Variants in SLC39A10 observed in about 807,000 individuals in gnomAD.
SLC39A10 encodes solute carrier family 39 member 10.
Under a neutral mutation model 65.1 loss-of-function variants are expected in SLC39A10, and 13 were observed. That is an observed-to-expected ratio of 0.20 (90% CI 0.13 to 0.32). The LOEUF is 0.32. Among genes scored for constraint, SLC39A10 ranks in the 10% least tolerant of loss-of-function variants. SLC39A10 has a pLI of 1.00. For missense variants in SLC39A10, 831 were observed against 1,018.4 expected, an observed-to-expected ratio of 0.82 and a Z score of 2.50; for synonymous variants, 321 against 342.2, an observed-to-expected ratio of 0.94 and a Z score of 0.68.
chr2:195,694,253 A>G (rs1690851185), intron 3 of SLC39A10, among the ~76,000 whole-genome samples: 1 of 152,088 alleles, frequency 6.6e-6, no homozygotes, highest in Admixed American at 6.6e-5. Flanking sequence ...CCATGTGCTG[A>G]TGAATAGAAT....
Position 195,730,376 on chromosome 2 carries a change from C to CTGGA in SLC39A10, c.2337+2028_2337+2031dup, listed in dbSNP as rs569118189. On this transcript the variant is annotated intron_variant, in intron 9 of 9. Transcript: ENST00000359634. ...AGACAGTCTTGCTCTGTTGCCCAGG[C>CTGGA]TGGAGTATAGTGGCATGATCGCAGC... is the stretch of plus-strand genomic sequence containing the variant. Among the ~76,000 whole-genome samples the CTGGA allele has an allele frequency of 1.2e-3, 185 of 152,274 alleles. 7 individuals are homozygous for CTGGA. In the South Asian group the frequency reaches 0.038, roughly 31 times the overall value.
upstream of SLC39A10, among the ~76,000 whole-genome samples, chr2:195,654,575 A>G (rs1033450922): frequency 2.6e-5 from 4 of 152,212 alleles, no homozygotes; most frequent in Non-Finnish European, 5.9e-5. Context: ...CCATTTACAC[A>G]TAATTCAGTA....
At chr2:195,686,767 T>C (rs1690542585) in intron 3 of SLC39A10, among the ~76,000 whole-genome samples, 1 of 152,206 alleles carries the variant, frequency 6.6e-6, no homozygotes, top group South Asian at 2.1e-4. Flanking sequence ...CTATGAACTA[T>C]AGTATTCTCC....
intron 3 of SLC39A10, among the ~76,000 whole-genome samples, chr2:195,692,474 T>G (rs1324436954): frequency 1.3e-5 from 2 of 152,232 alleles, no homozygotes; most frequent in East Asian, 3.8e-4. Context: ...TACCTATCCA[T>G]GAGCATGGGA....
At chr2:195,626,132 T>C (rs1353814221) in intron 2 of SLC39A10, among the ~76,000 whole-genome samples, 3 of 152,202 alleles carry the variant, frequency 2.0e-5, no homozygotes, top group African/African-American at 7.2e-5. Context: ...AGTATATATG[T>C]ACATTTTCCG....
At chr2:195,719,791 GT>G (rs796609144) in intron 8 of SLC39A10, among the ~76,000 whole-genome samples, 149 of 131,534 alleles carry the variant, frequency 1.1e-3, no homozygotes, top group African/African-American at 2.4e-3. Context: ...GCTAATTTTT[GT>G]TTTTTTTTTT....
chr2:195,703,642 A>G (rs1691283118), intron 3 of SLC39A10, among the ~76,000 whole-genome samples: 1 of 152,162 alleles, frequency 6.6e-6, no homozygotes, highest in African/African-American at 2.4e-5. Context: ...TTTTCATCAA[A>G]ACACTATTCC....
chr2:195,643,605 A>G (rs931559668), intron 2 of SLC39A10, among the ~76,000 whole-genome samples: 6 of 152,258 alleles, frequency 3.9e-5, no homozygotes, highest in African/African-American at 1.2e-4. Context: ...CTGATTACTG[A>G]TGGCTTGAAA....
intron 6 of SLC39A10, among the ~76,000 whole-genome samples, chr2:195,715,724 C>T (rs528703899): frequency 2.0e-5 from 3 of 152,258 alleles, no homozygotes; most frequent in African/African-American, 4.8e-5. Flanking sequence ...TCTCAATAAA[C>T]TTTCCACAGC....
At chr2:195,701,435 C>CTTTTTTTTTTTTTTTTTTTTTTTTATT (rs1691184187) in intron 3 of SLC39A10, among the ~76,000 whole-genome samples, 1 of 5,500 alleles carries the variant, frequency 1.8e-4, no homozygotes, top group Admixed American at 2.9e-3. Flanking sequence ...TTCTGTGATT[C>CTTTTTTTTTTTTTTTTTTTTTTTTATT]TTTTTTTTTT....
At chr2:195,727,670 C>T (rs368650205) in intron 8 of SLC39A10, among the ~76,000 whole-genome samples, 16 of 152,078 alleles carry the variant, frequency 1.1e-4, no homozygotes, top group South Asian at 2.1e-4. Context: ...ACAAGAAGAG[C>T]GGTGACCATG....
Position 195,681,054 on chromosome 2 carries a change from A to G in SLC39A10, c.1008+4A>G. On this transcript the variant is annotated splice_donor_region_variant and intron_variant, in intron 2 of 9. Coordinates refer to ENST00000359634, the MANE Select transcript of SLC39A10 (RefSeq NM_020342.3). ...TGAAGATGACCATCATCATGAAGTA[A>G]GTATAAAAAGATGTCCGATAGCTGC... 2 of 1,595,376 alleles carry G rather than the reference A, an allele frequency of 1.3e-6. No homozygotes were observed.
chr2:195,629,257 G>A (rs1688534198), intron 2 of SLC39A10, among the ~76,000 whole-genome samples: 1 of 152,030 alleles, frequency 6.6e-6, no homozygotes, highest in African/African-American at 2.4e-5. Context: ...AGCCAGATGT[G>A]GTGGCGGGTG....
intron 8 of SLC39A10, among the ~76,000 whole-genome samples, chr2:195,725,636 T>C (rs995620246): frequency 5.3e-5 from 8 of 152,188 alleles, no homozygotes; most frequent in East Asian, 1.9e-4. Flanking sequence ...TGAAAACTTA[T>C]GTTGACATAA....
chr2:195,626,066 G>C (rs1311370667), intron 2 of SLC39A10, among the ~76,000 whole-genome samples: 1 of 152,176 alleles, frequency 6.6e-6, no homozygotes, highest in Non-Finnish European at 1.5e-5. Flanking sequence ...TTATAGAAGT[G>C]AGCCACTGTG....
In SLC39A10 at chr2:195,680,729, G is replaced by A. The variant is rs766179472; in HGVS notation, c.687G>A (p.Pro229=). The change falls in exon 2 of 10, where the codon CCG becomes CCA. Residue 229 remains proline, a synonymous_variant. Coordinates refer to ENST00000359634, the MANE Select transcript of SLC39A10 (RefSeq NM_020342.3). ...AGGAACAATCTGATGTTAAACTACC[G>A]AAAGGAAAGAGGAAGAAAAAAGGGA... is the stretch of plus-strand genomic sequence containing the variant. ...KTQEQSDVKL[P]KGKRKKKGRK... 15 of 1,613,882 alleles carry A rather than the reference G, an allele frequency of 9.3e-6. No homozygotes were observed. Among genetic ancestry groups the A allele is most frequent in the East Asian group, 2.2e-5 (1 of 44,896 alleles).
chr2:195,622,073 A>T (rs1390465895), intron 2 of SLC39A10, among the ~76,000 whole-genome samples: 2 of 152,146 alleles, frequency 1.3e-5, no homozygotes, highest in African/African-American at 4.8e-5. Flanking sequence ...TTAAGAAAAC[A>T]AGTGATTTAG....
chr2:195,715,293 C>T (rs1361429594), intron 6 of SLC39A10, among the ~76,000 whole-genome samples: 1 of 151,636 alleles, frequency 6.6e-6, no homozygotes, highest in African/African-American at 2.4e-5. Context: ...TTTGGGAGGC[C>T]AAGGTGGGCA....
upstream of SLC39A10, among the ~76,000 whole-genome samples, chr2:195,655,473 A>G (rs1689126997): frequency 1.3e-5 from 2 of 152,392 alleles, no homozygotes; most frequent in South Asian, 2.1e-4. Flanking sequence ...TCAATAAAAT[A>G]AGTATGAGCC....
Sources: gnomAD v4.1 joint callset for allele counts (sites outside exome capture counted in the v4.1 genomes callset) on GRCh38, gnomAD v4.1.1 for gene constraint, MANE v1.5 for transcripts, NCBI Gene and HGNC (gene_info 2026-07-23, HGNC 2026-07-21) for gene names.